MYO1D: variants seen among roughly 807,000 people sequenced by gnomAD.
The protein encoded by MYO1D is unconventional myosin-Id.
Under a neutral mutation model 122.0 loss-of-function variants are expected in MYO1D, and 83 were observed. That is an observed-to-expected ratio of 0.68 (90% CI 0.57 to 0.82). MYO1D has a LOEUF of 0.82. MYO1D is among the 40% of genes least tolerant of loss of function. The pLI is 0.00. For synonymous variants in MYO1D, 464 were observed against 446.9 expected (o/e 1.04, Z -0.48); for missense variants, 1,157 against 1,269.5 (o/e 0.91, Z 1.35).
rs117769171 is a variant in MYO1D, at chr17:32,525,709, T to C, written c.2865-30794A>G. On this transcript the variant is annotated intron_variant, in intron 21 of 21. Coordinates refer to ENST00000318217, the MANE Select transcript of MYO1D (RefSeq NM_015194.3). ...GGGCCGAGAGACACTGCAGCGGCCC[T>C]CCCTGCAGTTTCTAATTGGAGCCCA... Among the ~76,000 whole-genome samples the C allele has an allele frequency of 9.3e-3, 1,413 of 152,204 alleles. 7 individuals carry two copies. The highest frequency in any genetic ancestry group is 0.043 in the East Asian group (223 of 5,178).
chr17:32,654,835 G>T lies in MYO1D; in HGVS notation c.2346-214C>A, dbSNP rs1597976175. ...TGGGATTACAGGTGTGTGCCACCAT[G>T]CCTGGTTAATTTTTGTATTTTTATA... is the stretch of plus-strand genomic sequence containing the variant. On this transcript the variant is annotated intron_variant, in intron 17 of 21. Transcript: ENST00000318217. Among the ~76,000 whole-genome samples, 3 of 152,218 alleles carry T rather than the reference G, an allele frequency of 2.0e-5. 1 individual carries two copies. The highest frequency in any genetic ancestry group is 2.0e-4 in the Admixed American group (3 of 15,286).
intron 11 of MYO1D, 44 bp downstream of exon 11, chr17:32,755,448 G>A (rs1191269652): frequency 6.3e-7 from 1 of 1,582,396 alleles, no homozygotes; most frequent in Non-Finnish European, 8.6e-7. Flanking sequence ...ACAATAAGGA[G>A]AACCTCACAG....
At chr17:32,690,767 A>G (rs2089086352) in intron 16 of MYO1D, among the ~76,000 whole-genome samples, 1 of 152,116 alleles carries the variant, frequency 6.6e-6, no homozygotes, top group African/African-American at 2.4e-5. Flanking sequence ...CCTCACCAGG[A>G]GCAGATGACC....
At chr17:32,693,784 GAAAC>G (rs1485806851) in intron 16 of MYO1D, among the ~76,000 whole-genome samples, 1 of 152,068 alleles carries the variant, frequency 6.6e-6, no homozygotes, top group Non-Finnish European at 1.5e-5. Context: ...AGATAAATAA[GAAAC>G]AAATTATTTT....
chr17:32,618,932 G>C (rs769024386), intron 20 of MYO1D, among the ~76,000 whole-genome samples: 4 of 152,094 alleles, frequency 2.6e-5, no homozygotes, highest in Non-Finnish European at 5.9e-5. Context: ...ACTGTGCCTC[G>C]CAACTCCTCC....
At chr17:32,733,330 A>T (rs913238188) in intron 14 of MYO1D, among the ~76,000 whole-genome samples, 1 of 152,208 alleles carries the variant, frequency 6.6e-6, no homozygotes, top group Non-Finnish European at 1.5e-5. Context: ...CTTTTTTCAG[A>T]TGCCTGGGGC....
intron 21 of MYO1D, among the ~76,000 whole-genome samples, chr17:32,565,868 G>A (rs917548863): frequency 3.3e-5 from 5 of 152,084 alleles, no homozygotes; most frequent in African/African-American, 1.2e-4. Context: ...CTACAGGTGC[G>A]TGCCACCAGG....
intron 1 of MYO1D, among the ~76,000 whole-genome samples, chr17:32,810,899 T>G (rs1356796240): frequency 2.0e-5 from 3 of 152,372 alleles, no homozygotes; most frequent in East Asian, 3.9e-4. Context: ...AAAAAGTAGA[T>G]TAAATTATCT....
At chr17:32,524,622 G>A (rs1249878120) in intron 21 of MYO1D, among the ~76,000 whole-genome samples, 1 of 147,796 alleles carries the variant, frequency 6.8e-6, no homozygotes, top group Non-Finnish European at 1.5e-5. Context: ...GGAGTGCAGT[G>A]GCATGATCTC....
At chr17:32,587,233 C>T (rs866425551) in intron 21 of MYO1D, among the ~76,000 whole-genome samples, 2 of 152,128 alleles carry the variant, frequency 1.3e-5, no homozygotes, top group Non-Finnish European at 2.9e-5. Context: ...CTCGCCAGGC[C>T]AGGGGCTGTG....
At chr17:32,745,412 T>A in intron 12 of MYO1D, 127 bp from the exon 13 acceptor site, 1 of 622,746 alleles carries the variant, frequency 1.6e-6, no homozygotes, top group Admixed American at 3.1e-5. Flanking sequence ...GCTGATATTG[T>A]TCATCTTGTT....
intron 2 of MYO1D, among the ~76,000 whole-genome samples, chr17:32,779,455 T>G (rs2090213662): frequency 6.6e-6 from 1 of 150,904 alleles, no homozygotes; most frequent in Non-Finnish European, 1.5e-5. Context: ...GAAAAATTAG[T>G]TATATAACAG....
At chr17:32,676,921 C>T (rs2088819123) in intron 16 of MYO1D, among the ~76,000 whole-genome samples, 1 of 152,026 alleles carries the variant, frequency 6.6e-6, no homozygotes, top group South Asian at 2.1e-4. Flanking sequence ...CGCCATTCTC[C>T]TGCCTCAGCC....
chr17:32,635,684 C>T (rs2088088655), intron 20 of MYO1D, among the ~76,000 whole-genome samples: 1 of 152,102 alleles, frequency 6.6e-6, no homozygotes, highest in Non-Finnish European at 1.5e-5. Flanking sequence ...CAGAGCAAGA[C>T]TCCGTCTCGG....
rs1477162501 is a variant in MYO1D at position 32,760,743 on chromosome 17, TG to T, written c.1036-117del. 4 of 1,084,628 alleles carry T rather than the reference TG, an allele frequency of 3.7e-6. No individual in the cohort carries two copies. The African/African-American group carries it at 6.3e-5, about 17-fold the overall frequency. 67.2% of individuals were successfully genotyped at this position (1,084,628 alleles called of 1,614,324 possible). ...TCTCACTGTTTAGCATAGCCATTACTGGCCTCAGCAGAACAAATGAAAATGT... is the reference window on the plus strand; with the variant it reads ...TCTCACTGTTTAGCATAGCCATTACTGCCTCAGCAGAACAAATGAAAATGT... On this transcript the variant is annotated intron_variant, in intron 8 of 21. Transcript: ENST00000318217.
intron 1 of MYO1D, among the ~76,000 whole-genome samples, chr17:32,841,246 G>A (rs551557114): frequency 1.1e-4 from 16 of 152,158 alleles, no homozygotes; most frequent in Non-Finnish European, 2.2e-4. Context: ...GCAGACAGAT[G>A]ACTTGAGCCC....
chr17:32,875,677 G>T (rs1198782547), intron 1 of MYO1D, among the ~76,000 whole-genome samples: 1 of 152,148 alleles, frequency 6.6e-6, no homozygotes, highest in African/African-American at 2.4e-5. Flanking sequence ...CATTATGCTG[G>T]TATGTAATCA....
chr17:32,608,875 G>T (rs2087663558), intron 20 of MYO1D, among the ~76,000 whole-genome samples: 1 of 152,146 alleles, frequency 6.6e-6, no homozygotes, highest in South Asian at 2.1e-4. Context: ...AATCTCACAG[G>T]CATTATGGTT....
intron 21 of MYO1D, among the ~76,000 whole-genome samples, chr17:32,568,994 C>T (rs1166385087): frequency 2.0e-5 from 3 of 152,148 alleles, no homozygotes; most frequent in East Asian, 1.9e-4. Context: ...CTTGTGGCCA[C>T]CCCCAATATG....
Sources: allele counts gnomAD v4.1 joint callset (sites outside exome capture counted in the v4.1 genomes callset), GRCh38; gene constraint gnomAD v4.1.1; transcripts MANE v1.5; gene names NCBI Gene and HGNC (gene_info 2026-07-23, HGNC 2026-07-21).